The following GOLGA8H variants were observed in gnomAD, a reference collection of about 807,000 sequenced individuals.
GOLGA8H encodes the protein golgin A8 family member H, also known as golgin subfamily A member 8H.
Under a neutral mutation model 82.7 loss-of-function variants are expected in GOLGA8H, and 47 were observed. That is an observed-to-expected ratio of 0.57 (90% CI 0.45 to 0.73). The LOEUF is 0.73. GOLGA8H is among the 30% of genes least tolerant of loss of function. The probability of loss-of-function intolerance (pLI) is 0.00; values close to 1 mark genes in which losing one functional copy is unlikely to be tolerated. For synonymous variants in GOLGA8H, 108 were observed against 241.6 expected (o/e 0.45, Z 5.13); for missense variants, 372 against 661.0 (o/e 0.56, Z 4.79).
intron 9 of GOLGA8H, 35 bp downstream of exon 9, chr15:30,609,927 A>T (rs1272785433): frequency 6.3e-7 from 1 of 1,576,734 alleles, no homozygotes; most frequent in Non-Finnish European, 8.7e-7. Context: ...TGGAAGGAAG[A>T]TGACCCCAGG....
rs1287060313 is a variant in GOLGA8H, at chr15:30,616,040, A to G, written c.*1479A>G. Among the ~76,000 whole-genome samples, 1 of 151,916 alleles carries G rather than the reference A, an allele frequency of 6.6e-6. No homozygotes were observed. Among genetic ancestry groups the G allele is most frequent in the Non-Finnish European group, 1.5e-5 (1 of 67,968 alleles). ...GCTATATTTTCTCACAGACTTCTTT[A>G]CAAAGTGAAATATGTTTTTGTACCT... On this transcript the variant is annotated 3_prime_UTR_variant, in exon 19 of 19. Transcript: ENST00000566740.
At chr15:30,607,606 C>A in intron 4 of GOLGA8H, 1 of 360,788 alleles carries the variant, frequency 2.8e-6, no homozygotes, top group Non-Finnish European at 5.1e-6. Flanking sequence ...TTTAAAGGCC[C>A]CCTAGAACGG....
intron 13 of GOLGA8H, among the ~76,000 whole-genome samples, chr15:30,611,616 G>A (rs2060021334): frequency 6.8e-6 from 1 of 147,372 alleles, no homozygotes; most frequent in South Asian, 2.1e-4. Flanking sequence ...TGCTATAACA[G>A]GCTCCTTATA....
In GOLGA8H at chr15:30,616,775, C is replaced by T. The variant is rs956796495; in HGVS notation, c.*2214C>T. ...ATTCTGAAACTGGGTTTATCTAATA[C>T]ATTGATAAATTATTGCAAAGGTACT... On this transcript the variant is annotated 3_prime_UTR_variant, in exon 19 of 19. Coordinates refer to ENST00000566740, the MANE Select transcript of GOLGA8H (RefSeq NM_001282490.2). Among the ~76,000 whole-genome samples the T allele has an allele frequency of 6.7e-6, 1 of 148,392 alleles. No homozygotes were observed. Among genetic ancestry groups the T allele is most frequent in the Non-Finnish European group, 1.5e-5 (1 of 67,150 alleles).
intron 9 of GOLGA8H, 45 bp downstream of exon 9, chr15:30,609,937 G>C: frequency 6.3e-7 from 1 of 1,582,396 alleles, no homozygotes; most frequent in Non-Finnish European, 8.7e-7. Context: ...ATGACCCCAG[G>C]TGGCCAGGAG....
In GOLGA8H at chr15:30,617,733, A is replaced by T. The variant is rs1317020243; in HGVS notation, c.*3172A>T. On this transcript the variant is annotated 3_prime_UTR_variant, in exon 19 of 19. Transcript: ENST00000566740. ...GGTGTGATGCCACTGTAATGTAATA[A>T]ATTATTAAATTGTTTCTAAGTGTTG... 6.6e-5 allele frequency: 10 copies of T among 152,448 alleles called. No homozygotes were observed. Among genetic ancestry groups the T allele is most frequent in the Admixed American group, 3.3e-4 (5 of 15,268 alleles). The allele number at this position is 152,448 out of a possible 1,614,324, so 9.4% of individuals were successfully genotyped here.
chr15:30,605,987 T>A, intron 2 of GOLGA8H, 25 bp downstream of exon 2: 1 of 1,588,006 alleles, frequency 6.3e-7, no homozygotes, highest in East Asian at 2.2e-5. Context: ...ACCAGGCTTC[T>A]GGGGACAGGG....
chr15:30,608,449 T>C lies in GOLGA8H; in HGVS notation c.397-18T>C, dbSNP rs552521435. On this transcript the variant is annotated intron_variant, in intron 6 of 18. Coordinates refer to ENST00000566740, the MANE Select transcript of GOLGA8H (RefSeq NM_001282490.2). ...TCTTTCCTTCTCTTTCAGCACTTGC[T>C]TGGCTTTTCTCCCAAAGGTTCAAAT... 2.1e-5 allele frequency: 33 copies of C among 1,608,532 alleles called. 2 individuals are homozygous for C. In the African/African-American group the frequency reaches 4.3e-4, roughly 21 times the overall value.
rs1268615064 is a variant in GOLGA8H at position 30,617,627 on chromosome 15, A to T, written c.*3066A>T. 1 of 152,088 alleles carries T rather than the reference A, an allele frequency of 6.6e-6. No individual in the cohort carries two copies. Among genetic ancestry groups the T allele is most frequent in the Admixed American group, 6.6e-5 (1 of 15,254 alleles). The allele number at this position is 152,088 out of a possible 1,614,324, so 9.4% of individuals were successfully genotyped here. A position where few individuals can be genotyped will look rare whatever the true frequency, so the allele number is the denominator to read the frequency against. Reference sequence around the variant, plus strand: ...GCCAAGTTTTCTTAGAATGAATTTTACCAGTTTATGAATTATTGTAAACAG... The same window carrying T: ...GCCAAGTTTTCTTAGAATGAATTTTTCCAGTTTATGAATTATTGTAAACAG... On this transcript the variant is annotated 3_prime_UTR_variant, in exon 19 of 19. Coordinates refer to ENST00000566740, the MANE Select transcript of GOLGA8H (RefSeq NM_001282490.2).
chr15:30,608,755 A>G lies in GOLGA8H; in HGVS notation c.590A>G (p.Gln197Arg), dbSNP rs964591573. 13 of 1,463,994 alleles carry G rather than the reference A, an allele frequency of 8.9e-6. 1 individual carries two copies. In the African/African-American group the frequency reaches 1.2e-4, roughly 13 times the overall value. The allele number at this position is 1,463,994 out of a possible 1,614,324, so 90.7% of individuals were successfully genotyped here. The change falls in exon 8 of 19, where the codon CAG becomes CGG. Residue 197 changes from glutamine to arginine, a missense_variant and splice_region_variant. Physicochemically the swap from Gln to Arg is conservative, Grantham distance 43. Coordinates refer to ENST00000566740, the MANE Select transcript of GOLGA8H (RefSeq NM_001282490.2). ...GCCACACAGAAGAAGAAGGCAAACCAGGTGAGTCCAACCACCTGCCCCATC... is the reference window on the plus strand; with the variant it reads ...GCCACACAGAAGAAGAAGGCAAACCGGGTGAGTCCAACCACCTGCCCCATC... ...VMATQKKKAN[Q>R]LSSRSKARTE...
Position 30,610,046 on chromosome 15 carries a change from T to C in GOLGA8H, c.726T>C (p.Ala242=), listed in dbSNP as rs774887514. ...QQVQLERDEC[A]EHLKGERARW... ...TCCAATTAGAAAGAGATGAGTGTGCTGAACATCTAAAAGGAGAGAGGGCCC... is the reference window on the plus strand; with the variant it reads ...TCCAATTAGAAAGAGATGAGTGTGCCGAACATCTAAAAGGAGAGAGGGCCC... The change falls in exon 10 of 19, where the codon GCT becomes GCC. Residue 242 remains alanine (A), a synonymous_variant. Transcript: ENST00000566740. 2 of 1,611,428 alleles carry C rather than the reference T, an allele frequency of 1.2e-6. No homozygotes were observed. Among genetic ancestry groups the C allele is most frequent in the African/African-American group, 2.7e-5 (2 of 74,556 alleles).
rs1037101914 is a variant in GOLGA8H, at chr15:30,615,284, T to A, written c.*723T>A. On this transcript the variant is annotated 3_prime_UTR_variant, in exon 19 of 19. Transcript: ENST00000566740. ...GGTGCCAGGAATTAGCAGTGTATTATGGTGGTTCCCTTAGGATTTGTATGT... is the reference window on the plus strand; with the variant it reads ...GGTGCCAGGAATTAGCAGTGTATTAAGGTGGTTCCCTTAGGATTTGTATGT... Among the ~76,000 whole-genome samples, 4 of 151,768 alleles carry A rather than the reference T, an allele frequency of 2.6e-5. No individual in the cohort carries two copies. Among genetic ancestry groups the A allele is most frequent in the African/African-American group, 9.7e-5 (4 of 41,322 alleles).
At position 30,608,369 on chromosome 15, in the gene GOLGA8H, G is replaced by C. The variant is rs1232238418; in HGVS notation, c.387G>C (p.Arg129Ser). The C allele has an allele frequency of 4.4e-6, 7 of 1,573,456 alleles. No individual in the cohort carries two copies. Among genetic ancestry groups the C allele is most frequent in the Non-Finnish European group, 6.0e-6 (7 of 1,162,588 alleles). ...ACAACAAGAAACAGAAAGCCAAAAGGGTGCTAGAGGTGAGTGGAGGGTGTG... is the reference window on the plus strand; with the variant it reads ...ACAACAAGAAACAGAAAGCCAAAAGCGTGCTAGAGGTGAGTGGAGGGTGTG... ...KANNKKQKAK[R>S]VLEVQIQTLN... The change falls in exon 6 of 19, where the codon AGG (arginine) becomes AGC (serine). Residue 129 changes from arginine to serine, a missense_variant. Transcript: ENST00000566740.
Position 30,610,055 on chromosome 15 carries a change from A to G in GOLGA8H, c.735A>G (p.Leu245=), listed in dbSNP as rs141935694. Residue 245 remains leucine, a synonymous_variant, in exon 10 of 19, where the codon CTA becomes CTG. Coordinates refer to ENST00000566740, the MANE Select transcript of GOLGA8H (RefSeq NM_001282490.2). ...AAAGAGATGAGTGTGCTGAACATCTAAAAGGAGAGAGGGCCCGGTGGCAGC... is the reference window on the plus strand; with the variant it reads ...AAAGAGATGAGTGTGCTGAACATCTGAAAGGAGAGAGGGCCCGGTGGCAGC... ...QLERDECAEH[L]KGERARWQQR... The G allele has an allele frequency of 6.7e-3, 10,842 of 1,611,428 alleles. 466 individuals carry two copies. The African/African-American group carries it at 0.081, about 12-fold the overall frequency.
rs559527939 is a variant in GOLGA8H at position 30,615,364 on chromosome 15, C to T, written c.*803C>T. Among the ~76,000 whole-genome samples, 9 of 151,910 alleles carry T rather than the reference C, an allele frequency of 5.9e-5. No homozygotes were observed. The highest frequency in any genetic ancestry group is 3.4e-3 in the Middle Eastern group (1 of 292). On this transcript the variant is annotated 3_prime_UTR_variant, in exon 19 of 19. Transcript: ENST00000566740. ...GAGCTGCAGCAGTTGCACTCTTTTT[C>T]GATGACCTAAAAAGGGCTTATTTCT...
In GOLGA8H at chr15:30,612,601, A is replaced by C; in HGVS notation, c.1205A>C (p.His402Pro). 1 of 1,596,156 alleles carries C rather than the reference A, an allele frequency of 6.3e-7. No homozygotes were observed. Among genetic ancestry groups the C allele is most frequent in the Non-Finnish European group, 8.5e-7 (1 of 1,176,648 alleles). The change falls in exon 14 of 19, where the codon CAC (histidine) becomes CCC (proline). Residue 402 changes from histidine (H) to proline (P), a missense_variant. Transcript: ENST00000566740. ...KELQEKLGEE[H>P]LEAASQQNQQ... Reference sequence around the variant, plus strand: ...CACTCTGTCCTGGCCCCTTAGGAGCACCTGGAAGCTGCCAGCCAGCAGAAC... The same window carrying C: ...CACTCTGTCCTGGCCCCTTAGGAGCCCCTGGAAGCTGCCAGCCAGCAGAAC...
rs1357302447 is a variant in GOLGA8H at position 30,605,749 on chromosome 15, T to G, written c.49-94T>G. ...CGGTTGTTGGTGTCATTAAATCAGA[T>G]GGTGTGTAAGTGTATTTTGTAAAAA... On this transcript the variant is annotated intron_variant, in intron 1 of 18. Coordinates refer to ENST00000566740, the MANE Select transcript of GOLGA8H (RefSeq NM_001282490.2). 20 of 1,544,728 alleles carry G rather than the reference T, an allele frequency of 1.3e-5. 1 individual carries two copies. Among genetic ancestry groups the G allele is most frequent in the Non-Finnish European group, 1.7e-5 (19 of 1,149,354 alleles).
chr15:30,609,764 C>T (rs2059986643), intron 8 of GOLGA8H, 42 bp from the exon 9 acceptor site: 2 of 1,548,816 alleles, frequency 1.3e-6, no homozygotes, highest in Non-Finnish European at 1.8e-6. Context: ...GTGGAAATGC[C>T]CAGGCTCTCC....
chr15:30,610,152 A>G (rs1279175280), intron 10 of GOLGA8H, 46 bp downstream of exon 10: 3 of 1,608,572 alleles, frequency 1.9e-6, no homozygotes, highest in African/African-American at 1.3e-5. Flanking sequence ...AGGTCACTGG[A>G]TCTTTCTGGG....
Sources: allele counts gnomAD v4.1 joint callset (sites outside exome capture counted in the v4.1 genomes callset), GRCh38; gene constraint gnomAD v4.1.1; transcripts MANE v1.5; gene names NCBI Gene and HGNC (gene_info 2026-07-23, HGNC 2026-07-21).